TENM1: variants seen among roughly 807,000 people sequenced by gnomAD.
TENM1 encodes the protein teneurin-1.
A neutral mutation model predicts 174.8 loss-of-function variants in TENM1; 35 were observed. The observed-to-expected ratio is 0.20, with a 90% CI of 0.15 to 0.27. TENM1 has a LOEUF of 0.27. Among genes scored for constraint, TENM1 ranks in the 10% least tolerant of loss-of-function variants. The pLI, the probability that TENM1 is intolerant of heterozygous loss-of-function variation, is 1.00. For missense variants in TENM1, 1,633 were observed against 2,130.1 expected, an observed-to-expected ratio of 0.77 and a Z score of 4.59; for synonymous variants, 781 against 798.7, an observed-to-expected ratio of 0.98 and a Z score of 0.37.
chrX:124,423,328 C>T (rs2060675727), intron 23 of TENM1, among the ~76,000 whole-genome samples: 2 of 111,813 alleles, frequency 1.8e-5, no homozygotes, highest in Admixed American at 9.5e-5. Context: ...CCATAGGTTC[C>T]CCTTTTTAGC....
In TENM1 at chrX:124,582,758, G is replaced by A. The variant is rs1230677298; in HGVS notation, c.2078-17198C>T. On this transcript the variant is annotated intron_variant, in intron 11 of 31. Transcript: ENST00000422452. ...ATTGCCTCACTCGGGAAGTGCAAGG[G>A]GTCAGGGAGTTCCCTTTCCTAGTCA... Among the ~76,000 whole-genome samples the A allele has an allele frequency of 4.5e-5, 5 of 112,075 alleles. No individual in the cohort carries two copies. In the East Asian group the frequency reaches 1.4e-3, roughly 32 times the overall value.
At chrX:124,807,916 C>CACACACACACACACACACACACACAA (rs746369843) in intron 3 of TENM1, among the ~76,000 whole-genome samples, 1 of 106,867 alleles carries the variant, frequency 9.4e-6, no homozygotes, top group African/African-American at 3.5e-5. Context: ...CACACACACA[C>CACACACACACACACACACACACACAA]ACAGAGGAAG....
chrX:124,746,535 T>C (rs947791416), intron 3 of TENM1, among the ~76,000 whole-genome samples: 1 of 111,640 alleles, frequency 9.0e-6, no homozygotes, highest in Non-Finnish European at 1.9e-5. Context: ...TCTGATTCAT[T>C]CTCTCAATTA....
intron 15 of TENM1, among the ~76,000 whole-genome samples, chrX:124,534,415 C>T (rs1007684250): frequency 1.8e-5 from 2 of 111,841 alleles, no homozygotes; most frequent in East Asian, 5.6e-4. Flanking sequence ...GTCAAATCTC[C>T]GATATTCGTT....
the TENM1 span, among the ~76,000 whole-genome samples, chrX:125,109,724 G>A: frequency 1.8e-5 from 2 of 111,487 alleles, no homozygotes; most frequent in African/African-American, 3.3e-5. Context: ...CTAGCCTCCC[G>A]GCAAAATCAA....
At chrX:124,967,944 C>T (rs1190758229), upstream of TENM1, among the ~76,000 whole-genome samples, 1 of 111,704 alleles carries the variant, frequency 9.0e-6, no homozygotes, top group Non-Finnish European at 1.9e-5. Context: ...TATTAGTGGA[C>T]TAGATACTGG....
In TENM1 at chrX:124,668,194, A is replaced by G. The variant is rs1480231802; in HGVS notation, c.1168+3489T>C. Among the ~76,000 whole-genome samples, 6 of 111,802 alleles carry G rather than the reference A, an allele frequency of 5.4e-5. No individual in the cohort carries two copies. The Middle Eastern group carries it at 0.014, about 255-fold the overall frequency. On this transcript the variant is annotated intron_variant, in intron 6 of 31. Transcript: ENST00000422452. ...GAATGGCGATCATTAAAAAGTCAGG[A>G]AACAACAGGTGCTGGAGAGGATGTA... is the stretch of plus-strand genomic sequence containing the variant.
At chrX:125,200,559 T>G in the TENM1 span, among the ~76,000 whole-genome samples, 43 of 110,059 alleles carry the variant, frequency 3.9e-4, no homozygotes, top group South Asian at 0.016. Flanking sequence ...ATTTAACAAA[T>G]ATATATAATT....
chrX:124,704,970 CTT>C (rs775019630), intron 5 of TENM1, 41 bp downstream of exon 8: 2 of 1,076,517 alleles, frequency 1.9e-6, no homozygotes, highest in African/African-American at 3.7e-5. Flanking sequence ...CAAAACAAGA[CTT>C]TGATTAAGAA....
chrX:124,759,647 T>A (rs185976629), intron 3 of TENM1, among the ~76,000 whole-genome samples: 1 of 112,141 alleles, frequency 8.9e-6, no homozygotes, highest in Non-Finnish European at 1.9e-5. Flanking sequence ...ATTGTGTACA[T>A]ATATATCATA....
At chrX:124,928,203 G>A (rs1357430610) in intron 1 of TENM1, among the ~76,000 whole-genome samples, 1 of 111,909 alleles carries the variant, frequency 8.9e-6, no homozygotes, top group East Asian at 2.8e-4. Context: ...ATTTGGGATG[G>A]CACTTGTTTA....
intron 11 of TENM1, among the ~76,000 whole-genome samples, chrX:124,604,105 C>T (rs1220694699): frequency 1.8e-5 from 2 of 110,895 alleles, no homozygotes; most frequent in Non-Finnish European, 3.8e-5. Flanking sequence ...ATTCAGTCTA[C>T]ATAAAATAAT....
intron 11 of TENM1, among the ~76,000 whole-genome samples, chrX:124,583,402 T>C (rs982398348): frequency 2.7e-5 from 3 of 112,005 alleles, no homozygotes; most frequent in Non-Finnish European, 5.6e-5. Context: ...CTGCAGCCAC[T>C]GCTGCTGGTA....
At chrX:125,073,006 T>C in the TENM1 span, among the ~76,000 whole-genome samples, 1 of 111,112 alleles carries the variant, frequency 9.0e-6, no homozygotes, top group Non-Finnish European at 1.9e-5. Context: ...CAATAGGGAC[T>C]CATGAGCTGC....
At chrX:124,891,434 G>T (rs1038957731) in intron 3 of TENM1, among the ~76,000 whole-genome samples, 18 of 110,821 alleles carry the variant, frequency 1.6e-4, no homozygotes, top group Admixed American at 9.6e-5. Context: ...GCCGAGGCAG[G>T]CAGATCACGA....
intron 3 of TENM1, among the ~76,000 whole-genome samples, chrX:124,891,156 G>A (rs192374588): frequency 1.8e-5 from 2 of 111,156 alleles, no homozygotes; most frequent in African/African-American, 6.5e-5. Context: ...GAAAAGGGTA[G>A]AGGGAAGTGG....
At chrX:124,622,821 A>T (rs1248971946) in intron 11 of TENM1, among the ~76,000 whole-genome samples, 1 of 111,773 alleles carries the variant, frequency 8.9e-6, no homozygotes, top group East Asian at 2.8e-4. Flanking sequence ...TACAGTGCAC[A>T]TACCAATTTA....
At chrX:124,937,415 C>G (rs913523028) in intron 1 of TENM1, among the ~76,000 whole-genome samples, 2 of 111,586 alleles carry the variant, frequency 1.8e-5, no homozygotes, top group Non-Finnish European at 3.8e-5. Flanking sequence ...GTGCTTATTG[C>G]AATGCTCAGC....
intron 5 of TENM1, among the ~76,000 whole-genome samples, chrX:124,698,774 G>A (rs2052707684): frequency 9.0e-6 from 1 of 110,887 alleles, no homozygotes; most frequent in Non-Finnish European, 1.9e-5. Context: ...TGCTTCCCCA[G>A]GTATTGCAAT....
Sources: gnomAD v4.1 joint callset for allele counts (sites outside exome capture counted in the v4.1 genomes callset) on GRCh38, gnomAD v4.1.1 for gene constraint, MANE v1.5 for transcripts, NCBI Gene and HGNC (gene_info 2026-07-23, HGNC 2026-07-21) for gene names.